Variants in FNDC3B observed in about 807,000 individuals in gnomAD.
The protein encoded by FNDC3B is fibronectin type III domain-containing protein 3B.
In FNDC3B, 12 loss-of-function variants were observed where a neutral mutation model predicts 151.5. The observed-to-expected ratio is 0.08, with a 90% confidence interval of 0.05 to 0.13. FNDC3B has a LOEUF of 0.13. Among genes scored for constraint, FNDC3B ranks in the 10% least tolerant of loss-of-function variants. The pLI is 1.00. For synonymous variants in FNDC3B, 528 were observed against 549.0 expected, an observed-to-expected ratio of 0.96 and a Z score of 0.54; for missense variants, 1,214 against 1,505.3, an observed-to-expected ratio of 0.81 and a Z score of 3.20.
chr3:172,227,253 A>G (rs952673228), intron 4 of FNDC3B: 3 of 225,146 alleles, frequency 1.3e-5, no homozygotes, highest in African/African-American at 6.8e-5. Flanking sequence ...TTCCACCTGT[A>G]ATACAACTTT....
intron 1 of FNDC3B, among the ~76,000 whole-genome samples, chr3:172,073,624 G>A (rs975667976): frequency 1.6e-4 from 24 of 152,250 alleles, no homozygotes; most frequent in African/African-American, 5.5e-4. Flanking sequence ...GTGAGTTCCC[G>A]TTTGCTGTAT....
At chr3:172,185,495 T>C (rs896028083) in intron 3 of FNDC3B, among the ~76,000 whole-genome samples, 3 of 152,202 alleles carry the variant, frequency 2.0e-5, no homozygotes, top group South Asian at 2.1e-4. Flanking sequence ...GATAGAGACA[T>C]TGAGTTCTTC....
At chr3:172,177,244 G>A (rs1723642078) in intron 3 of FNDC3B, among the ~76,000 whole-genome samples, 1 of 152,180 alleles carries the variant, frequency 6.6e-6, no homozygotes, top group Non-Finnish European at 1.5e-5. Flanking sequence ...TTACTGTTAA[G>A]TATTCGGATT....
intron 3 of FNDC3B, among the ~76,000 whole-genome samples, chr3:172,134,922 T>C (rs963514341): frequency 2.0e-5 from 3 of 152,000 alleles, no homozygotes; most frequent in Non-Finnish European, 2.9e-5. Context: ...TTTCACCTAT[T>C]TGTAGTACTA....
chr3:172,062,187 G>A (rs1478823078), intron 1 of FNDC3B, among the ~76,000 whole-genome samples: 1 of 151,908 alleles, frequency 6.6e-6, no homozygotes, highest in African/African-American at 2.4e-5. Context: ...TTACCCCTCA[G>A]CCCCCTTGCA....
At chr3:172,346,744 C>A (rs377265957) in intron 20 of FNDC3B, among the ~76,000 whole-genome samples, 8 of 152,070 alleles carry the variant, frequency 5.3e-5, no homozygotes, top group African/African-American at 1.9e-4. Flanking sequence ...AATCTTGTCA[C>A]CCAGGCTGGA....
chr3:172,249,377 T>C (rs1727948516), intron 5 of FNDC3B, among the ~76,000 whole-genome samples: 1 of 152,216 alleles, frequency 6.6e-6, no homozygotes, highest in Admixed American at 6.5e-5. Context: ...TTGTAGTCTC[T>C]TCATTTTATG....
At chr3:172,294,918 T>C (rs1324979004) in intron 7 of FNDC3B, among the ~76,000 whole-genome samples, 2 of 152,168 alleles carry the variant, frequency 1.3e-5, no homozygotes, top group South Asian at 2.1e-4. Flanking sequence ...TTTCCACCCA[T>C]TGGGTTCTCC....
At chr3:172,134,298 T>A in intron 3 of FNDC3B, 1 of 502,138 alleles carries the variant, frequency 2.0e-6, no homozygotes, top group Non-Finnish European at 4.0e-6. Context: ...GGTACTTTGA[T>A]CCATATGGAG....
At chr3:172,148,366 G>A (rs1559988673) in intron 3 of FNDC3B, among the ~76,000 whole-genome samples, 1 of 149,046 alleles carries the variant, frequency 6.7e-6, no homozygotes, top group African/African-American at 2.6e-5. Flanking sequence ...AGCAGCCAAT[G>A]TGGAGGGTAA....
chr3:172,147,569 A>ATTATCAACAGGTAGTCTCGG (rs1318186787), intron 3 of FNDC3B, among the ~76,000 whole-genome samples: 2 of 152,070 alleles, frequency 1.3e-5, no homozygotes, highest in Non-Finnish European at 2.9e-5. Flanking sequence ...GACCCTAAAG[A>ATTATCAACAGGTAGTCTCGG]TTATCAACAG....
chr3:172,389,214 G>A (rs1223418815), intron 25 of FNDC3B, among the ~76,000 whole-genome samples: 1 of 151,962 alleles, frequency 6.6e-6, no homozygotes, highest in East Asian at 1.9e-4. Flanking sequence ...AATATGATTG[G>A]CTTATTCCAC....
chr3:172,176,034 A>C (rs907601355), intron 3 of FNDC3B, among the ~76,000 whole-genome samples: 1 of 152,238 alleles, frequency 6.6e-6, no homozygotes, highest in Non-Finnish European at 1.5e-5. Context: ...CCACTTGGCT[A>C]AAATATTGGT....
chr3:172,317,090 G>T (rs557010451), intron 11 of FNDC3B: 2 of 425,898 alleles, frequency 4.7e-6, no homozygotes, highest in Admixed American at 2.9e-5. Context: ...ATGCATTTGT[G>T]AGGATAGAGC....
chr3:172,261,325 C>T (rs1728635521), intron 6 of FNDC3B, among the ~76,000 whole-genome samples: 1 of 152,204 alleles, frequency 6.6e-6, no homozygotes. Flanking sequence ...TTTCCTGCTG[C>T]TATGTCAACA....
chr3:172,373,371 C>G (rs1444595601), intron 23 of FNDC3B, among the ~76,000 whole-genome samples: 1 of 152,136 alleles, frequency 6.6e-6, no homozygotes, highest in African/African-American at 2.4e-5. Context: ...TGTCCTAGGG[C>G]CTGTGGTGCA....
intron 3 of FNDC3B, among the ~76,000 whole-genome samples, chr3:172,219,278 A>G (rs1458003795): frequency 2.6e-5 from 4 of 152,216 alleles, no homozygotes; most frequent in Non-Finnish European, 5.9e-5. Context: ...TTGTGGATAG[A>G]CAATGCACCT....
chr3:172,069,981 T>C (rs1426185364), intron 1 of FNDC3B, among the ~76,000 whole-genome samples: 1 of 152,004 alleles, frequency 6.6e-6, no homozygotes, highest in African/African-American at 2.4e-5. Context: ...AGTCTGAGAG[T>C]TGTGTGCCTT....
chr3:172,383,289 T>G (rs1362709150), intron 25 of FNDC3B, among the ~76,000 whole-genome samples: 2 of 152,232 alleles, frequency 1.3e-5, no homozygotes, highest in African/African-American at 4.8e-5. Context: ...TGTATAGGAA[T>G]GCTTGTGATT....
Sources: allele counts gnomAD v4.1 joint callset (sites outside exome capture counted in the v4.1 genomes callset), GRCh38; gene constraint gnomAD v4.1.1; transcripts MANE v1.5; gene names NCBI Gene and HGNC (gene_info 2026-07-23, HGNC 2026-07-21).